DPP10: variants seen among roughly 807,000 people sequenced by gnomAD.
DPP10 encodes the protein inactive dipeptidyl peptidase 10.
In DPP10, 33 loss-of-function variants were observed where a neutral mutation model predicts 120.9. The observed-to-expected ratio is 0.27, with a 90% CI of 0.21 to 0.37. DPP10 has a LOEUF of 0.37. Ranked by LOEUF, DPP10 falls within the 10% of genes least tolerant of loss-of-function variation. The pLI is 1.00. For synonymous variants in DPP10, 337 were observed against 326.1 expected (o/e 1.03, Z -0.36); for missense variants, 816 against 942.8 (o/e 0.87, Z 1.76).
chr2:114,700,522 C>T (rs1325103751), intron 1 of DPP10, among the ~76,000 whole-genome samples: 2 of 152,082 alleles, frequency 1.3e-5, no homozygotes, highest in Admixed American at 6.6e-5. Flanking sequence ...TAAATTGGTT[C>T]TTACTTCTCT....
chr2:115,799,969 C>A (rs1185502741), intron 19 of DPP10, among the ~76,000 whole-genome samples: 3 of 151,778 alleles, frequency 2.0e-5, no homozygotes, highest in South Asian at 2.1e-4. Flanking sequence ...ATGGCTGGGT[C>A]AAATGGTATT....
At chr2:115,243,647 T>A (rs1404686025) in intron 1 of DPP10, among the ~76,000 whole-genome samples, 1 of 152,114 alleles carries the variant, frequency 6.6e-6, no homozygotes, top group Non-Finnish European at 1.5e-5. Context: ...TTTATATAAA[T>A]TAAAAGGCCA....
intron 1 of DPP10, among the ~76,000 whole-genome samples, chr2:114,628,923 C>T (rs1023675294): frequency 1.3e-5 from 2 of 152,092 alleles, no homozygotes; most frequent in Non-Finnish European, 2.9e-5. Flanking sequence ...GTCTTTGTGG[C>T]AAGTGTCAAA....
At chr2:114,541,982 AT>A (rs542917886) in intron 1 of DPP10, among the ~76,000 whole-genome samples, 7 of 150,356 alleles carry the variant, frequency 4.7e-5, no homozygotes, top group African/African-American at 1.7e-4. Flanking sequence ...TCAATGGGAG[AT>A]TTTTTTTAAA....
chr2:115,738,883 A>C (rs745643104), intron 8 of DPP10, among the ~76,000 whole-genome samples: 7 of 152,134 alleles, frequency 4.6e-5, no homozygotes, highest in African/African-American at 9.7e-5. Context: ...TGAACATTTT[A>C]TTGTCTTTTT....
intron 2 of DPP10, among the ~76,000 whole-genome samples, chr2:115,336,303 A>G (rs1436743255): frequency 2.0e-5 from 3 of 152,006 alleles, no homozygotes; most frequent in Non-Finnish European, 2.9e-5. Flanking sequence ...GAATTATTCA[A>G]TTTCAGTTCT....
At chr2:115,189,489 A>G (rs1475720409) in intron 1 of DPP10, among the ~76,000 whole-genome samples, 1 of 152,210 alleles carries the variant, frequency 6.6e-6, no homozygotes, top group Non-Finnish European at 1.5e-5. Context: ...AGAACCAGGA[A>G]GTTAAACTTT....
At chr2:115,677,427 A>G (rs1559017550) in intron 5 of DPP10, among the ~76,000 whole-genome samples, 1 of 152,158 alleles carries the variant, frequency 6.6e-6, no homozygotes, top group Non-Finnish European at 1.5e-5. Flanking sequence ...TTCCCAGTCA[A>G]TAACTGACTA....
chr2:115,000,546 T>C (rs184509327), intron 1 of DPP10, among the ~76,000 whole-genome samples: 1 of 152,298 alleles, frequency 6.6e-6, no homozygotes, highest in East Asian at 1.9e-4. Flanking sequence ...GTCATTATTG[T>C]AAATAGCCTT....
intron 19 of DPP10, among the ~76,000 whole-genome samples, chr2:115,797,046 C>T (rs1345085372): frequency 6.6e-6 from 1 of 152,048 alleles, no homozygotes; most frequent in Admixed American, 6.6e-5. Flanking sequence ...AGAGGCTTCT[C>T]TACTGCCAAA....
intron 3 of DPP10, among the ~76,000 whole-genome samples, chr2:115,402,280 C>T (rs112070839): frequency 5.9e-5 from 9 of 152,062 alleles, no homozygotes; most frequent in African/African-American, 2.2e-4. Flanking sequence ...AAGGCTCATT[C>T]CTATTTTGTC....
chr2:115,222,571 T>C (rs2057229916), intron 1 of DPP10, among the ~76,000 whole-genome samples: 1 of 152,140 alleles, frequency 6.6e-6, no homozygotes, highest in African/African-American at 2.4e-5. Flanking sequence ...CCCAGCCACA[T>C]GAAAGTGTAA....
chr2:115,744,184 G>A (rs760207022), intron 9 of DPP10, among the ~76,000 whole-genome samples: 3 of 150,356 alleles, frequency 2.0e-5, no homozygotes, highest in African/African-American at 4.8e-5. Context: ...CCATGAATGC[G>A]TTGCTCAGGT....
chr2:114,602,016 T>A (rs1452185119), intron 1 of DPP10, among the ~76,000 whole-genome samples: 1 of 151,906 alleles, frequency 6.6e-6, no homozygotes, highest in African/African-American at 2.4e-5. Flanking sequence ...GGAAACAGAA[T>A]GGGCTATATT....
At chr2:115,565,935 G>A (rs35264554) in intron 5 of DPP10, among the ~76,000 whole-genome samples, 31,773 of 151,708 alleles carry the variant, frequency 0.21, 3,916 homozygotes, top group East Asian at 0.4. Flanking sequence ...ATAGGCATGC[G>A]CCACCAAGCT....
In DPP10 at chr2:115,510,140, G is replaced by T. The variant is rs534752623; in HGVS notation, c.366+10536G>T. Among the ~76,000 whole-genome samples, 62 of 152,108 alleles carry T rather than the reference G, an allele frequency of 4.1e-4. 1 individual carries two copies. The highest frequency in any genetic ancestry group is 1.4e-3 in the African/African-American group (60 of 41,528). ...ATAAGTTTCAAATGTTTTCTCCCAG[G>T]TATGTTGTCTTTCACTTTCTGATTG... On this transcript the variant is annotated intron_variant, in intron 4 of 25. Transcript: ENST00000410059.
chr2:114,901,428 C>A (rs916979733), intron 1 of DPP10, among the ~76,000 whole-genome samples: 1 of 152,140 alleles, frequency 6.6e-6, no homozygotes, highest in South Asian at 2.1e-4. Context: ...GATCTCCTGA[C>A]CTCGTGATCT....
chr2:115,124,802 A>G (rs543301150), intron 1 of DPP10, among the ~76,000 whole-genome samples: 1 of 152,328 alleles, frequency 6.6e-6, no homozygotes, highest in East Asian at 1.9e-4. Context: ...CATCTAGTTA[A>G]CGTTTAACAA....
chr2:114,917,149 A>T (rs1694867605), intron 1 of DPP10, among the ~76,000 whole-genome samples: 1 of 152,202 alleles, frequency 6.6e-6, no homozygotes, highest in Admixed American at 6.5e-5. Context: ...ATACATGCAA[A>T]TCAGGAGCAT....
Sources: gnomAD v4.1 joint callset for allele counts (sites outside exome capture counted in the v4.1 genomes callset) on GRCh38, gnomAD v4.1.1 for gene constraint, MANE v1.5 for transcripts, NCBI Gene and HGNC (gene_info 2026-07-23, HGNC 2026-07-21) for gene names.